Variants in PSME3IP1 observed in about 807,000 individuals in gnomAD.
PSME3IP1 encodes the protein PSME3-interacting protein.
PSME3IP1 carries 13 observed loss-of-function variants against 34.1 expected under a neutral mutation model. That is an observed-to-expected ratio of 0.38 (90% CI 0.25 to 0.61). The LOEUF is 0.61. Ranked by LOEUF, PSME3IP1 falls within the 20% of genes least tolerant of loss-of-function variation. PSME3IP1 has a pLI of 0.60. For synonymous variants in PSME3IP1, 93 were observed against 114.3 expected (o/e 0.81, Z 1.19); for missense variants, 237 against 301.4 (o/e 0.79, Z 1.58).
chr16:57,155,665 T>C (rs1246719695), intron 6 of PSME3IP1, among the ~76,000 whole-genome samples: 1 of 151,918 alleles, frequency 6.6e-6, no homozygotes, highest in African/African-American at 2.4e-5. Context: ...TAGCTGGGTG[T>C]GGTGACGCGT....
chr16:57,172,948 T>G, intron 2 of PSME3IP1, 74 bp from the exon 3 acceptor site: 9 of 1,012,086 alleles, frequency 8.9e-6, no homozygotes, highest in Non-Finnish European at 1.3e-5. Context: ...CATATTATTT[T>G]GGAATCACAA....
chr16:57,167,642 A>ATCAG (rs1348745148), intron 4 of PSME3IP1, among the ~76,000 whole-genome samples: 1 of 152,218 alleles, frequency 6.6e-6, no homozygotes, highest in African/African-American at 2.4e-5. Context: ...TGTTCTGACT[A>ATCAG]TCAGTGGCAA....
intron 5 of PSME3IP1, among the ~76,000 whole-genome samples, chr16:57,164,806 C>T (rs1457096279): frequency 3.9e-5 from 6 of 151,954 alleles, no homozygotes; most frequent in African/African-American, 1.4e-4. Context: ...CCAAGACGGA[C>T]GGATCACCTG....
At position 57,161,562 on chromosome 16, in the gene PSME3IP1, A is replaced by G. The variant is rs1449895223; in HGVS notation, c.547+2439T>C. Among the ~76,000 whole-genome samples the G allele has an allele frequency of 4.3e-5, 6 of 139,546 alleles. No homozygotes were observed. In the Admixed American group the frequency reaches 4.6e-4, roughly 11 times the overall value. The allele number at this position is 139,546 out of a possible 152,430, so 91.5% of individuals were successfully genotyped here. A position where few individuals can be genotyped will look rare whatever the true frequency, so the allele number is the denominator to read the frequency against. ...AGTCTCCCTCTGTCACCCAGGCTGG[A>G]GTGCAGTGGCGTGATCTCTGCTCAC... On this transcript the variant is annotated intron_variant, in intron 6 of 6. Coordinates refer to ENST00000309137, the MANE Select transcript of PSME3IP1 (RefSeq NM_024946.4).
At chr16:57,165,772 G>A (rs1418603007) in intron 5 of PSME3IP1, among the ~76,000 whole-genome samples, 1 of 152,102 alleles carries the variant, frequency 6.6e-6, no homozygotes, top group African/African-American at 2.4e-5. Context: ...AAATGATGTT[G>A]TTTCAAAACC....
intron 6 of PSME3IP1, among the ~76,000 whole-genome samples, chr16:57,160,475 T>C (rs1314439241): frequency 6.6e-6 from 1 of 152,240 alleles, no homozygotes; most frequent in Admixed American, 6.5e-5. Flanking sequence ...AAGGGCAATT[T>C]GGCAATATTT....
chr16:57,156,934 T>C (rs1389661339), intron 6 of PSME3IP1, among the ~76,000 whole-genome samples: 1 of 152,236 alleles, frequency 6.6e-6, no homozygotes, highest in East Asian at 1.9e-4. Context: ...GCACTGTTTA[T>C]AGTAGCAAAA....
chr16:57,153,653 GGAGA>G lies in PSME3IP1; in HGVS notation c.*633_*636del, dbSNP rs1398562843. On this transcript the variant is annotated 3_prime_UTR_variant, in exon 7 of 7. Coordinates refer to ENST00000309137, the MANE Select transcript of PSME3IP1 (RefSeq NM_024946.4). ...AGTCCCTTCCTGCATAAATGGGGTT[GGAGA>G]GAGAGGAGAGAGGGAATGGCCAAGG... The G allele has an allele frequency of 6.6e-6, 1 of 152,234 alleles. No homozygotes were observed. Among genetic ancestry groups the G allele is most frequent in the African/African-American group, 2.4e-5 (1 of 41,440 alleles). 9.4% of individuals were successfully genotyped at this position (152,234 alleles called of 1,614,324 possible).
chr16:57,172,635 T>C, intron 3 of PSME3IP1, 141 bp downstream of exon 3: 1 of 776,460 alleles, frequency 1.3e-6, no homozygotes, highest in Non-Finnish European at 2.2e-6. Context: ...CTGAAGGCTG[T>C]CTCTTTTCCA....
intron 6 of PSME3IP1, among the ~76,000 whole-genome samples, chr16:57,161,508 A>T (rs2071223720): frequency 8.5e-6 from 1 of 117,452 alleles, no homozygotes; most frequent in Non-Finnish European, 1.7e-5. Flanking sequence ...CTAAGATCAT[A>T]ATTTTTTTTT....
intron 6 of PSME3IP1, among the ~76,000 whole-genome samples, chr16:57,160,849 C>A (rs1476822929): frequency 1.3e-5 from 2 of 152,258 alleles, no homozygotes; most frequent in African/African-American, 2.4e-5. Flanking sequence ...GCCGAAAAAA[C>A]CAACTTGATC....
At chr16:57,168,803 C>CA (rs1189721344) in intron 4 of PSME3IP1, among the ~76,000 whole-genome samples, 7,123 of 23,744 alleles carry the variant, frequency 0.3, 2,061 homozygotes, top group East Asian at 0.39. Flanking sequence ...AACTCTGTCT[C>CA]AAAAAAAAAA....
rs1431964851 is a variant in PSME3IP1 at position 57,162,929 on chromosome 16, C to T, written c.547+1072G>A. ...CCTGTAATCCCAGCACTTTGGGAGG[C>T]CGAGGCAGGCAGATCACTTGAGGTC... On this transcript the variant is annotated intron_variant, in intron 6 of 6. Transcript: ENST00000309137. Among the ~76,000 whole-genome samples the T allele has an allele frequency of 2.0e-5, 3 of 152,074 alleles. No homozygotes were observed. In the East Asian group the frequency reaches 5.8e-4, roughly 29 times the overall value.
At chr16:57,161,618 T>C (rs1010401119) in intron 6 of PSME3IP1, among the ~76,000 whole-genome samples, 2 of 151,642 alleles carry the variant, frequency 1.3e-5, no homozygotes, top group African/African-American at 4.9e-5. Flanking sequence ...TTCAATGCCA[T>C]TCTCCTGCCT....
chr16:57,181,349 A>G (rs2073693445), intron 1 of PSME3IP1, among the ~76,000 whole-genome samples: 1 of 152,146 alleles, frequency 6.6e-6, no homozygotes, highest in South Asian at 2.1e-4. Context: ...TTTTTTCCAA[A>G]GCCGAAATAA....
At chr16:57,185,581 G>C in intron 1 of PSME3IP1, 1 of 985,556 alleles carries the variant, frequency 1.0e-6, no homozygotes, top group Non-Finnish European at 1.2e-6. Flanking sequence ...TAAACGCCCG[G>C]CAGTGTTGGG....
chr16:57,183,007 C>T (rs2073872005), intron 1 of PSME3IP1, among the ~76,000 whole-genome samples: 1 of 152,100 alleles, frequency 6.6e-6, no homozygotes. Context: ...AACTTACACT[C>T]ATTCAGTAAA....
At chr16:57,167,804 T>G (rs1159622103) in intron 4 of PSME3IP1, among the ~76,000 whole-genome samples, 2 of 152,142 alleles carry the variant, frequency 1.3e-5, no homozygotes, top group Admixed American at 1.3e-4. Context: ...TTTTAAACAC[T>G]CTCTGAAGGT....
At chr16:57,170,446 C>T (rs1397988216) in intron 4 of PSME3IP1, among the ~76,000 whole-genome samples, 21 of 152,318 alleles carry the variant, frequency 1.4e-4, no homozygotes, top group Non-Finnish European at 2.2e-4. Flanking sequence ...CCAACTAGTA[C>T]ATATACACAG....
Sources: allele counts gnomAD v4.1 joint callset (sites outside exome capture counted in the v4.1 genomes callset), GRCh38; gene constraint gnomAD v4.1.1; transcripts MANE v1.5; gene names NCBI Gene and HGNC (gene_info 2026-07-23, HGNC 2026-07-21).